PTPN3: variants seen among roughly 807,000 people sequenced by gnomAD.
PTPN3 encodes the protein tyrosine-protein phosphatase non-receptor type 3.
In PTPN3, 96 loss-of-function variants were observed where a neutral mutation model predicts 132.7. The ratio of observed to expected loss-of-function variants is 0.72; its 90% CI spans 0.61 to 0.86. PTPN3 has a LOEUF of 0.86. Ranked by LOEUF, PTPN3 falls within the 40% of genes least tolerant of loss-of-function variation. PTPN3 has a pLI of 0.00. For synonymous variants in PTPN3, 398 were observed against 429.0 expected, an observed-to-expected ratio of 0.93 and a Z score of 0.89; for missense variants, 1,125 against 1,159.6, an observed-to-expected ratio of 0.97 and a Z score of 0.43.
At chr9:109,523,415 A>T in the PTPN3 span, among the ~76,000 whole-genome samples, 2 of 151,996 alleles carry the variant, frequency 1.3e-5, no homozygotes. Context: ...TGCCCAGCCT[A>T]TATCATTTTT....
At chr9:109,398,692 T>C in intron 19 of PTPN3, among the ~76,000 whole-genome samples, 1 of 152,200 alleles carries the variant, frequency 6.6e-6, no homozygotes, top group Non-Finnish European at 1.5e-5. Flanking sequence ...AGGGAAGCTG[T>C]GAGTCACCTG....
chr9:109,422,833 AAT>A lies in PTPN3; in HGVS notation c.1019_1020del (p.Tyr340LeufsTer58). Reference sequence around the variant, plus strand: ...ACCATCCCGCCAATCACCTTTTTGCAATATTGGTTATTTACCGACCTGAAAAA... The same window carrying A: ...ACCATCCCGCCAATCACCTTTTTGCAATTGGTTATTTACCGACCTGAAAAA... The part of the protein sequence containing the change: ...RNTKKSVNNQ[Y>X]CKKVIGGMVW... On this transcript the variant is annotated frameshift_variant, in exon 13 of 26. Coordinates refer to ENST00000374541, the MANE Select transcript of PTPN3 (RefSeq NM_002829.4). LOFTEE classifies it high-confidence loss of function. 1.2e-6 allele frequency: 2 copies of A among 1,613,418 alleles called. No homozygotes were observed. The highest frequency in any genetic ancestry group is 1.7e-6 in the Non-Finnish European group (2 of 1,179,444).
chr9:109,451,839 C>G (rs1021098602), intron 5 of PTPN3, among the ~76,000 whole-genome samples: 5 of 152,334 alleles, frequency 3.3e-5, no homozygotes, highest in Admixed American at 3.3e-4. Flanking sequence ...TGCCACAAAC[C>G]TGGGGCTCTA....
At chr9:109,532,982 C>T in the PTPN3 span, 2 of 523,312 alleles carry the variant, frequency 3.8e-6, no homozygotes, top group Non-Finnish European at 5.3e-6. Context: ...TGAGACGGGG[C>T]CTCGCTCTTG....
At chr9:109,525,741 C>T in the PTPN3 span, among the ~76,000 whole-genome samples, 2 of 152,108 alleles carry the variant, frequency 1.3e-5, no homozygotes, top group African/African-American at 2.4e-5. Context: ...TTTCTCTAGT[C>T]GTTTTTGCAG....
At chr9:109,398,734 T>G (rs768266271) in intron 19 of PTPN3, among the ~76,000 whole-genome samples, 1 of 152,170 alleles carries the variant, frequency 6.6e-6, no homozygotes, top group Non-Finnish European at 1.5e-5. Flanking sequence ...CTGGGATCCT[T>G]TGTTGCTGGG....
At chr9:109,488,093 C>CT (rs766663409) in intron 1 of PTPN3, among the ~76,000 whole-genome samples, 1,755 of 121,118 alleles carry the variant, frequency 0.014, 36 homozygotes, top group African/African-American at 0.026. Context: ...GAGGGAAGTA[C>CT]TTTTTTTTTT....
chr9:109,530,349 T>G, the PTPN3 span, among the ~76,000 whole-genome samples: 1 of 152,252 alleles, frequency 6.6e-6, no homozygotes. Flanking sequence ...TTGCCTTATT[T>G]AACTTAGCAT....
chr9:109,443,187 C>T (rs576088995), intron 7 of PTPN3, among the ~76,000 whole-genome samples: 24 of 151,818 alleles, frequency 1.6e-4, no homozygotes, highest in Non-Finnish European at 1.0e-4. Context: ...CAGATACTAC[C>T]CCCTCAGTCT....
At chr9:109,420,126 T>C (rs1842787299) in intron 14 of PTPN3, among the ~76,000 whole-genome samples, 1 of 152,208 alleles carries the variant, frequency 6.6e-6, no homozygotes, top group Admixed American at 6.5e-5. Context: ...ATGATTAAAC[T>C]GGGCTTTGCT....
At chr9:109,449,485 T>C in intron 5 of PTPN3, 5 of 985,498 alleles carry the variant, frequency 5.1e-6, no homozygotes, top group Non-Finnish European at 6.0e-6. Flanking sequence ...CCAGCAAATG[T>C]AACTTCCAAA....
Position 109,422,871 on chromosome 9 carries a change from G to C in PTPN3, c.1002-19C>G, listed in dbSNP as rs765351447. On this transcript the variant is annotated intron_variant, in intron 12 of 25. Transcript: ENST00000374541. ...TACCGACCTGAAAAACCAGATGCAG[G>C]TTCACTTTCTACACTGACGTTCAAC... 8.1e-6 allele frequency: 13 copies of C among 1,609,902 alleles called. No homozygotes were observed. The South Asian group carries it at 1.3e-4, about 16-fold the overall frequency.
At chr9:109,526,172 C>T in the PTPN3 span, among the ~76,000 whole-genome samples, 1 of 151,924 alleles carries the variant, frequency 6.6e-6, no homozygotes, top group African/African-American at 2.4e-5. Context: ...TTTCAAAGAC[C>T]AGTACACTGA....
rs139396254 is a variant in PTPN3, at chr9:109,381,375, C to A, written c.2664+277G>T. ...GTACCCAGGTCTAGGTGGGTCGGTG[C>A]GGGGGAGGATAATGGACAAATGATT... On this transcript the variant is annotated intron_variant, in intron 25 of 25. Coordinates refer to ENST00000374541, the MANE Select transcript of PTPN3 (RefSeq NM_002829.4). Among the ~76,000 whole-genome samples the A allele has an allele frequency of 7.4e-3, 1,126 of 152,212 alleles. 8 individuals carry two copies. Among genetic ancestry groups the A allele is most frequent in the African/African-American group, 0.026 (1,066 of 41,538 alleles).
chr9:109,467,237 GTTC>G (rs1846143094), intron 1 of PTPN3, among the ~76,000 whole-genome samples: 1 of 151,774 alleles, frequency 6.6e-6, no homozygotes, highest in African/African-American at 2.4e-5. Context: ...TTATTTTTTA[GTTC>G]TTGTCTAAGA....
chr9:109,496,224 T>TA (rs1472483996), intron 1 of PTPN3, among the ~76,000 whole-genome samples: 1 of 152,256 alleles, frequency 6.6e-6, no homozygotes, highest in African/African-American at 2.4e-5. Context: ...ATGTGGGATT[T>TA]ATGGGAGCTC....
At chr9:109,381,844 C>T in intron 24 of PTPN3, 57 bp from the exon 25 acceptor site, 1 of 1,602,206 alleles carries the variant, frequency 6.2e-7, no homozygotes, top group Non-Finnish European at 8.5e-7. Flanking sequence ...TTCTGCATGG[C>T]CCAGCGAGCA....
upstream of PTPN3, among the ~76,000 whole-genome samples, chr9:109,500,841 C>T (rs1321048591): frequency 6.6e-6 from 1 of 150,574 alleles, no homozygotes; most frequent in Non-Finnish European, 1.5e-5. Context: ...GTGGGAGGAT[C>T]TCTTGAGCCA....
the PTPN3 span, among the ~76,000 whole-genome samples, chr9:109,504,821 G>A: frequency 2.0e-5 from 3 of 152,218 alleles, no homozygotes; most frequent in African/African-American, 7.2e-5. Flanking sequence ...AAGCTGAGAC[G>A]ATGAGACATG....
Sources: gnomAD v4.1 joint callset for allele counts (sites outside exome capture counted in the v4.1 genomes callset) on GRCh38, gnomAD v4.1.1 for gene constraint, MANE v1.5 for transcripts, NCBI Gene and HGNC (gene_info 2026-07-23, HGNC 2026-07-21) for gene names.